Variants in EXD1 observed in about 807,000 individuals in gnomAD.
The protein encoded by EXD1 is exonuclease 3'-5' domain containing 1.
In EXD1, 63 loss-of-function variants were observed where a neutral mutation model predicts 49.1. The observed-to-expected ratio is 1.28, with a 90% confidence interval of 1.05 to 1.58. The LOEUF (loss-of-function observed/expected upper bound fraction) is 1.58. EXD1 is among the 40% of genes most tolerant of loss of function. EXD1 has a pLI of 0.00. For synonymous variants in EXD1, 234 were observed against 239.2 expected, an observed-to-expected ratio of 0.98 and a Z score of 0.20; for missense variants, 748 against 666.0, an observed-to-expected ratio of 1.12 and a Z score of -1.36.
chr15:41,192,648 T>C (rs900783113), intron 9 of EXD1, among the ~76,000 whole-genome samples: 3 of 132,964 alleles, frequency 2.3e-5, no homozygotes, highest in Non-Finnish European at 4.8e-5. Context: ...AGGGTCTTGC[T>C]CTATCTCCCA....
At chr15:41,209,970 C>T (rs764885370) in intron 6 of EXD1, among the ~76,000 whole-genome samples, 10 of 152,118 alleles carry the variant, frequency 6.6e-5, no homozygotes, top group Admixed American at 5.2e-4. Context: ...TGCAATGGCA[C>T]GATCTTGACT....
chr15:41,205,723 GAGGGAAGAGA>G (rs2046812705), intron 7 of EXD1, among the ~76,000 whole-genome samples: 1 of 137,166 alleles, frequency 7.3e-6, no homozygotes, highest in Non-Finnish European at 1.6e-5. Context: ...AGGAGAGAAG[GAGGGAAGAGA>G]GGAAGGGAGG....
intron 2 of EXD1, among the ~76,000 whole-genome samples, chr15:41,225,036 C>T (rs1008583890): frequency 6.6e-6 from 1 of 151,972 alleles, no homozygotes; most frequent in Non-Finnish European, 1.5e-5. Context: ...TTTATGATAA[C>T]TGGAATTGAA....
At chr15:41,213,626 G>A in intron 6 of EXD1, among the ~76,000 whole-genome samples, 1 of 151,910 alleles carries the variant, frequency 6.6e-6, no homozygotes, top group South Asian at 2.1e-4. Flanking sequence ...AGCCTCCCCA[G>A]TAACTGGGAT....
rs2046349673 is a variant in EXD1, at chr15:41,183,233, T to C, written c.*698A>G. On this transcript the variant is annotated 3_prime_UTR_variant, in exon 12 of 12. Transcript: ENST00000458580. ...TGAACCCGGGAGGCGGAGGTTGCAG[T>C]GAGCAGAGATTACACCACTACACTC... 6.6e-6 allele frequency: 1 copy of C among 152,216 alleles called. No homozygotes were observed. Among genetic ancestry groups the C allele is most frequent in the African/African-American group, 2.4e-5 (1 of 41,434 alleles). 9.4% of individuals were successfully genotyped at this position (152,216 alleles called of 1,614,324 possible).
chr15:41,218,486 C>CAA lies in EXD1; in HGVS notation c.203-1334_203-1333dup, dbSNP rs35305069. ...TTAGCGACAAAGTAAGAATCCGTCT[C>CAA]AAAAAAAAAAAAAAAAAAAGTATGA... On this transcript the variant is annotated intron_variant, in intron 3 of 11. Transcript: ENST00000458580. Among the ~76,000 whole-genome samples the CAA allele has an allele frequency of 2.2e-3, 170 of 78,996 alleles. 2 individuals carry two copies. Among genetic ancestry groups the CAA allele is most frequent in the African/African-American group, 3.2e-3 (76 of 23,514 alleles). 51.8% of individuals were successfully genotyped at this position (78,996 alleles called of 152,430 possible).
intron 9 of EXD1, 33 bp from the exon 10 acceptor site, chr15:41,191,618 T>C: frequency 1.9e-6 from 3 of 1,604,624 alleles, no homozygotes; most frequent in Non-Finnish European, 2.6e-6. Flanking sequence ...ACAGACCAGT[T>C]GAATATATAC....
chr15:41,221,657 G>C (rs2047090450), intron 2 of EXD1, among the ~76,000 whole-genome samples: 1 of 151,664 alleles, frequency 6.6e-6, no homozygotes, highest in South Asian at 2.1e-4. Flanking sequence ...ACTTCTGCTT[G>C]CCCCTCATAC....
chr15:41,189,912 C>A, intron 11 of EXD1, 25 bp downstream of exon 11: 1 of 1,608,222 alleles, frequency 6.2e-7, no homozygotes, highest in Non-Finnish European at 8.5e-7. Flanking sequence ...GAAAGGAGGT[C>A]CTGAAGACAG....
chr15:41,230,420 T>C, intron 1 of EXD1, 59 bp downstream of exon 1: 1 of 1,558,170 alleles, frequency 6.4e-7, no homozygotes, highest in South Asian at 1.1e-5. Flanking sequence ...ACCATGAGAA[T>C]AAAATGCAAA....
In EXD1 at chr15:41,191,468, G is replaced by T. The variant is rs765911191; in HGVS notation, c.838C>A (p.Leu280Ile). The change falls in exon 10 of 12, where the codon CTA (leucine) becomes ATA (isoleucine). Residue 280 changes from leucine to isoleucine, a missense_variant. By Grantham distance (5) the Leu-to-Ile change is conservative. Transcript: ENST00000458580. ...TGAATTAGTTTTTGTCTCTTTTCTAGAAAGGAGAGATATTTAGGGGCTACT... is the reference window on the plus strand; with the variant it reads ...TGAATTAGTTTTTGTCTCTTTTCTATAAAGGAGAGATATTTAGGGGCTACT... ...LQVAPKYLSFLEKRQKLIQEN... is the reference protein window; with the variant it reads ...LQVAPKYLSFIEKRQKLIQEN... 17 of 1,611,182 alleles carry T rather than the reference G, an allele frequency of 1.1e-5. No individual in the cohort carries two copies. Among genetic ancestry groups the T allele is most frequent in the Admixed American group, 1.7e-5 (1 of 59,942 alleles).
chr15:41,227,035 A>G (rs1356475672), intron 1 of EXD1, among the ~76,000 whole-genome samples: 1 of 152,246 alleles, frequency 6.6e-6, no homozygotes, highest in African/African-American at 2.4e-5. Context: ...TTAGGGCAGC[A>G]TAACTACCTG....
In EXD1 at chr15:41,192,594, A is replaced by ATTTTTTTTTTTTTTTTT. The variant is rs59054803; in HGVS notation, c.721-1026_721-1010dup. ...ACAGGCGTGAACCACTGCGCCAGGCATTTTTTTTTTTTTTTTTTTTTTTTT... is the reference window on the plus strand; with the variant it reads ...ACAGGCGTGAACCACTGCGCCAGGCATTTTTTTTTTTTTTTTTTTTTTTTTTTTTTTTTTTTTTTTTT... On this transcript the variant is annotated intron_variant, in intron 9 of 11. Coordinates refer to ENST00000458580, the MANE Select transcript of EXD1 (RefSeq NM_001286441.2). Among the ~76,000 whole-genome samples, 19 of 40,838 alleles carry ATTTTTTTTTTTTTTTTT rather than the reference A, an allele frequency of 4.7e-4. 8 individuals are homozygous for ATTTTTTTTTTTTTTTTT. Among genetic ancestry groups the ATTTTTTTTTTTTTTTTT allele is most frequent in the Non-Finnish European group, 6.1e-4 (11 of 18,058 alleles). 26.8% of individuals were successfully genotyped at this position (40,838 alleles called of 152,430 possible).
intron 9 of EXD1, chr15:41,191,902 G>A (rs908197188): frequency 1.4e-5 from 3 of 219,296 alleles, no homozygotes; most frequent in Admixed American, 5.5e-5. Context: ...TCAGCCACCC[G>A]AGTAGCTGGG....
chr15:41,209,744 C>T (rs1361220736), intron 6 of EXD1, among the ~76,000 whole-genome samples, 157 bp from the exon 7 acceptor site: 3 of 151,456 alleles, frequency 2.0e-5, no homozygotes, highest in Non-Finnish European at 4.4e-5. Context: ...CTGTTTTACA[C>T]ATGCAAATAA....
At chr15:41,188,074 T>C (rs972189877) in intron 11 of EXD1, among the ~76,000 whole-genome samples, 1 of 148,688 alleles carries the variant, frequency 6.7e-6, no homozygotes, top group African/African-American at 2.5e-5. Flanking sequence ...TATTCATAAG[T>C]AAAAGTGGTT....
chr15:41,193,558 G>A (rs918468644), intron 9 of EXD1, among the ~76,000 whole-genome samples: 1 of 152,080 alleles, frequency 6.6e-6, no homozygotes. Context: ...GGACAATATA[G>A]AGAGACCCCA....
At chr15:41,219,998 A>T (rs910946865) in intron 2 of EXD1, 100 bp from the exon 3 acceptor site, 61 of 369,614 alleles carry the variant, frequency 1.7e-4, no homozygotes, top group Non-Finnish European at 2.1e-4. Context: ...AGTTGTATTT[A>T]AAAAAAAAAA....
chr15:41,192,601 T>A (rs1409679412), intron 9 of EXD1, among the ~76,000 whole-genome samples: 16 of 86,558 alleles, frequency 1.8e-4, no homozygotes, highest in Non-Finnish European at 2.4e-4. Context: ...GGCATTTTTT[T>A]TTTTTTTTTT....
Sources: gnomAD v4.1 joint callset for allele counts (sites outside exome capture counted in the v4.1 genomes callset) on GRCh38, gnomAD v4.1.1 for gene constraint, MANE v1.5 for transcripts, NCBI Gene and HGNC (gene_info 2026-07-23, HGNC 2026-07-21) for gene names.